SDK1: variants seen among roughly 807,000 people sequenced by gnomAD.
SDK1 encodes the protein sidekick cell adhesion molecule 1.
A neutral mutation model predicts 245.5 loss-of-function variants in SDK1; 157 were observed. That is an observed-to-expected ratio of 0.64 (90% CI 0.56 to 0.73). The LOEUF (loss-of-function observed/expected upper bound fraction) is 0.73, where lower values mean the gene tolerates loss of function less well. Among genes scored for constraint, SDK1 ranks in the 30% least tolerant of loss-of-function variants. The pLI is 0.00. For missense variants in SDK1, 3,583 were observed against 3,002.3 expected, an observed-to-expected ratio of 1.19 and a Z score of -4.52; for synonymous variants, 1,647 against 1,278.5, an observed-to-expected ratio of 1.29 and a Z score of -6.15.
At chr7:3,553,947 G>A (rs999191059) in intron 1 of SDK1, among the ~76,000 whole-genome samples, 5 of 152,162 alleles carry the variant, frequency 3.3e-5, no homozygotes, top group African/African-American at 1.2e-4. Flanking sequence ...AATGAAGCGG[G>A]CACAAAGAAT....
At chr7:3,322,045 C>T (rs999348173) in intron 1 of SDK1, among the ~76,000 whole-genome samples, 3 of 148,682 alleles carry the variant, frequency 2.0e-5, no homozygotes, top group East Asian at 2.0e-4. Context: ...CACACAGCAT[C>T]GAGTGAACTA....
intron 1 of SDK1, among the ~76,000 whole-genome samples, chr7:3,431,935 C>G (rs1289451793): frequency 6.6e-6 from 1 of 151,750 alleles, no homozygotes; most frequent in African/African-American, 2.4e-5. Flanking sequence ...TAAGACCTAA[C>G]CTTTTCTCAG....
intron 1 of SDK1, among the ~76,000 whole-genome samples, chr7:3,616,180 C>A (rs185405946): frequency 6.6e-6 from 1 of 152,216 alleles, no homozygotes; most frequent in Non-Finnish European, 1.5e-5. Flanking sequence ...GCCACCACAA[C>A]TGGCTGTCCT....
intron 27 of SDK1, chr7:4,130,495 G>T: frequency 5.2e-6 from 1 of 193,060 alleles, no homozygotes; most frequent in African/African-American, 2.4e-5. Context: ...TGAAACTGCA[G>T]ATAAAAGGAG....
intron 4 of SDK1, among the ~76,000 whole-genome samples, chr7:3,683,479 C>G (rs1228701172): frequency 6.6e-6 from 1 of 152,048 alleles, no homozygotes; most frequent in Non-Finnish European, 1.5e-5. Flanking sequence ...TTTATGTAAT[C>G]TTCTGTTAAG....
intron 5 of SDK1, among the ~76,000 whole-genome samples, chr7:3,910,784 C>G (rs150788901): frequency 4.6e-5 from 7 of 152,358 alleles, no homozygotes; most frequent in Admixed American, 1.3e-4. Context: ...GATGATTCCT[C>G]TCCTTGCATC....
chr7:4,186,238 A>G (rs625537), intron 35 of SDK1, among the ~76,000 whole-genome samples: 71,622 of 152,130 alleles, frequency 0.47, 18,697 homozygotes, highest in African/African-American at 0.7. Flanking sequence ...GGGGCAGTCA[A>G]GTTCTACCCA....
intron 1 of SDK1, among the ~76,000 whole-genome samples, chr7:3,548,803 G>A (rs553622897): frequency 2.0e-5 from 3 of 152,122 alleles, no homozygotes; most frequent in African/African-American, 7.2e-5. Context: ...TTAACCTAGG[G>A]CTTCCTGTGA....
chr7:3,823,801 T>G (rs1210800422), intron 5 of SDK1, among the ~76,000 whole-genome samples: 1 of 152,176 alleles, frequency 6.6e-6, no homozygotes, highest in African/African-American at 2.4e-5. Flanking sequence ...CTTTATGAAT[T>G]CTTTGCTTTT....
intron 4 of SDK1, among the ~76,000 whole-genome samples, chr7:3,722,173 C>T (rs1294991479): frequency 6.6e-6 from 1 of 152,114 alleles, no homozygotes; most frequent in Non-Finnish European, 1.5e-5. Context: ...AGCCACCAGG[C>T]CAGCCCAGGT....
intron 1 of SDK1, among the ~76,000 whole-genome samples, chr7:3,555,010 A>G (rs1414425545): frequency 6.6e-6 from 1 of 152,198 alleles, no homozygotes; most frequent in African/African-American, 2.4e-5. Flanking sequence ...CATATTACCC[A>G]GGGCAATCTA....
rs536714844 is a variant in SDK1 at position 4,172,179 on chromosome 7, G to T, written c.4801-2043G>T. 2.6e-5 allele frequency among the ~76,000 whole-genome samples: 4 copies of T among 152,326 alleles called. 1 individual carries two copies. Among genetic ancestry groups the T allele is most frequent in the African/African-American group, 9.6e-5 (4 of 41,578 alleles). ...GTTCCTGAATTGGGAGCATCACAGG[G>T]GTGTCAGAAAGTCCTCAGAGAGGGA... On this transcript the variant is annotated intron_variant, in intron 32 of 44. Transcript: ENST00000404826.
intron 1 of SDK1, among the ~76,000 whole-genome samples, chr7:3,609,392 G>C (rs1243833014): frequency 6.6e-6 from 1 of 151,898 alleles, no homozygotes; most frequent in Admixed American, 6.6e-5. Context: ...GGAGAGCTGG[G>C]ATTTTTCTTT....
At position 3,998,047 on chromosome 7, in the gene SDK1, G is replaced by A. The variant is rs143788759; in HGVS notation, c.2131+10725G>A. 7.2e-3 allele frequency among the ~76,000 whole-genome samples: 1,092 copies of A among 152,332 alleles called. 12 individuals carry two copies. Among genetic ancestry groups the A allele is most frequent in the African/African-American group, 0.025 (1,036 of 41,586 alleles). On this transcript the variant is annotated intron_variant, in intron 14 of 44. Transcript: ENST00000404826. ...TGGCAGCTGCAGCTGTGCCCAAGAG[G>A]GCAGGGATCCTGCCTGCTCCCAGCC... is the stretch of plus-strand genomic sequence containing the variant.
chr7:3,354,994 A>G (rs1229804239), intron 1 of SDK1, among the ~76,000 whole-genome samples: 6 of 152,214 alleles, frequency 3.9e-5, no homozygotes, highest in African/African-American at 1.4e-4. Flanking sequence ...CTCTAATTAT[A>G]TGATTATAAT....
chr7:3,795,144 C>T (rs1440078550), intron 4 of SDK1, among the ~76,000 whole-genome samples: 1 of 152,104 alleles, frequency 6.6e-6, no homozygotes, highest in Admixed American at 6.5e-5. Context: ...GCACAACTGA[C>T]TCTAAAATCT....
chr7:3,971,341 C>T (rs1464055077), intron 11 of SDK1, 125 bp from the exon 12 acceptor site: 11 of 682,278 alleles, frequency 1.6e-5, no homozygotes, highest in Non-Finnish European at 8.0e-6. Context: ...CATTTACACT[C>T]ATTCTGCCAA....
intron 1 of SDK1, among the ~76,000 whole-genome samples, chr7:3,479,678 A>G (rs367996495): frequency 1.3e-5 from 2 of 152,046 alleles, no homozygotes; most frequent in East Asian, 3.9e-4. Context: ...CCTGGGCAAC[A>G]TAGTGAAACC....
intron 5 of SDK1, among the ~76,000 whole-genome samples, chr7:3,849,065 CTT>C (rs1261795522): frequency 6.6e-6 from 1 of 152,216 alleles, no homozygotes; most frequent in African/African-American, 2.4e-5. Context: ...GTATTTAAGA[CTT>C]TTCATACCCG....
Sources: allele counts gnomAD v4.1 joint callset (sites outside exome capture counted in the v4.1 genomes callset), GRCh38; gene constraint gnomAD v4.1.1; transcripts MANE v1.5; gene names NCBI Gene and HGNC (gene_info 2026-07-23, HGNC 2026-07-21).